The following NDUFAF2 variants were observed in gnomAD, a reference collection of about 807,000 sequenced individuals.
NDUFAF2 encodes the protein NADH dehydrogenase [ubiquinone] 1 alpha subcomplex assembly factor 2.
In NDUFAF2, 13 loss-of-function variants were observed where a neutral mutation model predicts 22.8. The ratio of observed to expected loss-of-function variants is 0.57; its 90% CI spans 0.37 to 0.91. The LOEUF (loss-of-function observed/expected upper bound fraction) is 0.91. Ranked by LOEUF, NDUFAF2 falls within the 40% of genes least tolerant of loss-of-function variation. NDUFAF2 has a pLI of 0.01. For synonymous variants in NDUFAF2, 53 were observed against 64.2 expected, an observed-to-expected ratio of 0.83 and a Z score of 0.84; for missense variants, 162 against 195.2, an observed-to-expected ratio of 0.83 and a Z score of 1.01.
chr5:60,960,711 A>G (rs529429055), intron 1 of NDUFAF2, among the ~76,000 whole-genome samples: 5 of 152,310 alleles, frequency 3.3e-5, no homozygotes, highest in Admixed American at 2.0e-4. Context: ...TATAAAATGA[A>G]TTGGAAATGT....
chr5:61,072,194 A>G (rs79299780), intron 1 of NDUFAF2, among the ~76,000 whole-genome samples: 3,704 of 152,352 alleles, frequency 0.024, 63 homozygotes, highest in Non-Finnish European at 0.038. Context: ...ATGTGGCTCT[A>G]ACAGTAACAT....
Position 60,945,398 on chromosome 5 carries a change from G to A in NDUFAF2, c.127+16G>A, listed in dbSNP as rs752054337. On this transcript the variant is annotated intron_variant, in intron 1 of 3. Coordinates refer to ENST00000296597, the MANE Select transcript of NDUFAF2 (RefSeq NM_174889.5). Reference sequence around the variant, plus strand: ...AACTGGAGAGGTGAGGTGGCGGCGTGGGCAGCGATTGCGTGGTCAGTGATT... The same window carrying A: ...AACTGGAGAGGTGAGGTGGCGGCGTAGGCAGCGATTGCGTGGTCAGTGATT... 6.2e-7 allele frequency: 1 copy of A among 1,614,104 alleles called. No homozygotes were observed. The highest frequency in any genetic ancestry group is 8.5e-7 in the Non-Finnish European group (1 of 1,180,054).
At chr5:61,107,255 C>T (rs181969107) in intron 3 of NDUFAF2, among the ~76,000 whole-genome samples, 1 of 151,340 alleles carries the variant, frequency 6.6e-6, no homozygotes, top group Admixed American at 6.6e-5. Context: ...TTGTTATTGC[C>T]CATCTTTTTG....
In NDUFAF2 at chr5:60,965,847, T is replaced by C. The variant is rs532461316; in HGVS notation, c.127+20465T>C. On this transcript the variant is annotated intron_variant, in intron 1 of 3. Transcript: ENST00000296597. ...TGAACATGGGAGTGCAGATATCTCTTTGGCATACTGATTTCATTTCCTGTG... is the reference window on the plus strand; with the variant it reads ...TGAACATGGGAGTGCAGATATCTCTCTGGCATACTGATTTCATTTCCTGTG... Among the ~76,000 whole-genome samples, 4 of 152,316 alleles carry C rather than the reference T, an allele frequency of 2.6e-5. No homozygotes were observed. In the South Asian group the frequency reaches 8.3e-4, roughly 32 times the overall value.
At chr5:61,066,725 T>C (rs1250601580) in intron 1 of NDUFAF2, among the ~76,000 whole-genome samples, 2 of 152,162 alleles carry the variant, frequency 1.3e-5, no homozygotes, top group Non-Finnish European at 2.9e-5. Context: ...TTACTTATAA[T>C]ACCAAATATA....
chr5:61,002,769 G>GTA, intron 1 of NDUFAF2, among the ~76,000 whole-genome samples: 1 of 152,156 alleles, frequency 6.6e-6, no homozygotes, highest in East Asian at 1.9e-4. Context: ...GTCATTTTAG[G>GTA]TACTGGTCCA....
intron 2 of NDUFAF2, among the ~76,000 whole-genome samples, chr5:61,078,272 T>TTATATA (rs78532196): frequency 0.62 from 94,356 of 151,350 alleles, 30,195 homozygotes; most frequent in East Asian, 0.94. Flanking sequence ...GCTCAATAGT[T>TTATATA]AAGTAAATAT....
intron 2 of NDUFAF2, among the ~76,000 whole-genome samples, chr5:61,092,985 T>C (rs1354625494): frequency 6.6e-6 from 1 of 152,194 alleles, no homozygotes; most frequent in African/African-American, 2.4e-5. Context: ...AAGCTGACAA[T>C]GCAGCCTTCA....
chr5:60,974,185 A>G (rs1473624783), intron 1 of NDUFAF2, among the ~76,000 whole-genome samples: 2 of 152,198 alleles, frequency 1.3e-5, no homozygotes, highest in African/African-American at 4.8e-5. Context: ...AAGCAGGCAG[A>G]AGAAAGTGGA....
chr5:60,951,210 A>T (rs193131973), intron 1 of NDUFAF2, among the ~76,000 whole-genome samples: 3 of 152,026 alleles, frequency 2.0e-5, no homozygotes, highest in Admixed American at 2.0e-4. Context: ...TTGTAATTTT[A>T]GTAAGAGACA....
intron 1 of NDUFAF2, among the ~76,000 whole-genome samples, chr5:61,008,393 G>A (rs1192559819): frequency 1.3e-5 from 2 of 152,132 alleles, no homozygotes. Context: ...TAACAAGCAA[G>A]TGTATACAGA....
rs184301427 is a variant in NDUFAF2, at chr5:60,957,297, G to T, written c.127+11915G>T. On this transcript the variant is annotated intron_variant, in intron 1 of 3. Transcript: ENST00000296597. Reference sequence around the variant, plus strand: ...TCTTTCCTATTTTATTTTGAAGCAGGTAACAAACATCTTGTCAATTTACCT... The same window carrying T: ...TCTTTCCTATTTTATTTTGAAGCAGTTAACAAACATCTTGTCAATTTACCT... Among the ~76,000 whole-genome samples, 38 of 152,048 alleles carry T rather than the reference G, an allele frequency of 2.5e-4. 2 individuals carry two copies. The East Asian group carries it at 7.0e-3, about 28-fold the overall frequency.
chr5:60,955,408 C>T (rs757294253), intron 1 of NDUFAF2, among the ~76,000 whole-genome samples: 7 of 152,180 alleles, frequency 4.6e-5, no homozygotes, highest in Non-Finnish European at 8.8e-5. Flanking sequence ...GTTCTGTCTT[C>T]TGTTCCAATA....
intron 3 of NDUFAF2, among the ~76,000 whole-genome samples, chr5:61,101,015 A>G (rs1203206557): frequency 6.6e-6 from 1 of 152,154 alleles, no homozygotes; most frequent in Non-Finnish European, 1.5e-5. Context: ...CCCTGCCTCA[A>G]GTGAACAACC....
At chr5:61,100,263 T>C (rs1265393720) in intron 3 of NDUFAF2, among the ~76,000 whole-genome samples, 1 of 152,094 alleles carries the variant, frequency 6.6e-6, no homozygotes, top group Admixed American at 6.6e-5. Context: ...GCTTCATCCA[T>C]CCTCAGAACT....
chr5:61,139,166 T>C (rs1472906368), intron 3 of NDUFAF2, among the ~76,000 whole-genome samples: 5 of 152,218 alleles, frequency 3.3e-5, no homozygotes, highest in Non-Finnish European at 7.3e-5. Flanking sequence ...CTAGTCGACC[T>C]TAAACCTGCT....
intron 1 of NDUFAF2, among the ~76,000 whole-genome samples, chr5:60,982,963 A>C (rs1281667274): frequency 3.3e-5 from 5 of 151,992 alleles, no homozygotes; most frequent in African/African-American, 1.2e-4. Context: ...TAGATTCCTG[A>C]GGAATCGCCA....
chr5:61,041,120 T>A (rs1751877342), intron 1 of NDUFAF2, among the ~76,000 whole-genome samples: 1 of 152,182 alleles, frequency 6.6e-6, no homozygotes, highest in African/African-American at 2.4e-5. Context: ...AGTAACATGG[T>A]ATTTTATGAA....
chr5:60,955,388 T>A (rs1750601830), intron 1 of NDUFAF2, among the ~76,000 whole-genome samples: 1 of 152,204 alleles, frequency 6.6e-6, no homozygotes, highest in African/African-American at 2.4e-5. Context: ...ATGTGTGGGT[T>A]TATTACTAGG....
Sources: allele counts gnomAD v4.1 joint callset (sites outside exome capture counted in the v4.1 genomes callset), GRCh38; gene constraint gnomAD v4.1.1; transcripts MANE v1.5; gene names NCBI Gene and HGNC (gene_info 2026-07-23, HGNC 2026-07-21).